TOPAZ1: variants seen among roughly 807,000 people sequenced by gnomAD.
The protein encoded by TOPAZ1 is protein TOPAZ1.
Under a neutral mutation model 172.2 loss-of-function variants are expected in TOPAZ1, and 66 were observed. The ratio of observed to expected loss-of-function variants is 0.38; its 90% CI spans 0.31 to 0.47. The LOEUF (loss-of-function observed/expected upper bound fraction) is 0.47. Ranked by LOEUF, TOPAZ1 falls within the 20% of genes least tolerant of loss-of-function variation. The probability of loss-of-function intolerance (pLI) is 0.99; values close to 1 mark genes in which losing one functional copy is unlikely to be tolerated. For synonymous variants in TOPAZ1, 681 were observed against 683.9 expected (o/e 1.00, Z 0.07); for missense variants, 1,822 against 1,972.4 (o/e 0.92, Z 1.44).
At chr3:44,257,078 C>G (rs1048241376) in intron 4 of TOPAZ1, among the ~76,000 whole-genome samples, 5 of 151,976 alleles carry the variant, frequency 3.3e-5, no homozygotes, top group African/African-American at 4.8e-5. Flanking sequence ...CCTGTTATCT[C>G]AGGACTTTGG....
chr3:44,257,412 T>G (rs1330216206), intron 4 of TOPAZ1, among the ~76,000 whole-genome samples: 2,605 of 121,930 alleles, frequency 0.021, 36 homozygotes, highest in African/African-American at 0.03. Context: ...TGTGTGTCTA[T>G]TTTATATATT....
In TOPAZ1 at chr3:44,244,664, A is replaced by G. The variant is rs1699538699; in HGVS notation, c.2158A>G (p.Asn720Asp). The G allele has an allele frequency of 6.4e-7, 1 of 1,551,346 alleles. No homozygotes were observed. Among genetic ancestry groups the G allele is most frequent in the African/African-American group, 1.4e-5 (1 of 73,144 alleles). The change falls in exon 2 of 20, where the codon AAT becomes GAT. Residue 720 changes from asparagine to aspartate, a missense_variant. Coordinates refer to ENST00000309765, the MANE Select transcript of TOPAZ1 (RefSeq NM_001145030.2). Reference sequence around the variant, plus strand: ...TTACAGTCCTCTAGAACTTCTGGACAATTTATCTGGAGCAGACGTAAGACA... The same window carrying G: ...TTACAGTCCTCTAGAACTTCTGGACGATTTATCTGGAGCAGACGTAAGACA... ...EAYSPLELLD[N>D]LSGADVRQNR...
chr3:44,298,909 A>ATATATATATTT (rs1287571186), intron 12 of TOPAZ1, among the ~76,000 whole-genome samples: 5 of 41,320 alleles, frequency 1.2e-4, no homozygotes, highest in East Asian at 4.5e-3. Context: ...ATATATATAT[A>ATATATATATTT]TTTTTTTTTT....
intron 4 of TOPAZ1, among the ~76,000 whole-genome samples, chr3:44,257,345 A>C (rs1350411741): frequency 3.3e-5 from 4 of 119,994 alleles, no homozygotes; most frequent in Non-Finnish European, 5.3e-5. Context: ...AAAAAAGAAA[A>C]CATAGGGGTG....
chr3:44,298,212 A>G (rs1048956670), intron 12 of TOPAZ1, among the ~76,000 whole-genome samples: 3 of 152,166 alleles, frequency 2.0e-5, no homozygotes, highest in Non-Finnish European at 4.4e-5. Flanking sequence ...ACCTGTAATC[A>G]CAATACTTTG....
rs1262996580 is a variant in TOPAZ1 at position 44,328,448 on chromosome 3, C to T, written c.4859+15C>T. 14 of 1,476,102 alleles carry T rather than the reference C, an allele frequency of 9.5e-6. No individual in the cohort carries two copies. The highest frequency in any genetic ancestry group is 1.3e-5 in the Non-Finnish European group (14 of 1,113,678). 91.4% of individuals were successfully genotyped at this position (1,476,102 alleles called of 1,614,324 possible). A position where few individuals can be genotyped will look rare whatever the true frequency, so the allele number is the denominator to read the frequency against. ...GTTTTGAAAAGGTTGGTTGACATAACTTTAACTGCATTCTGAATGTAGATC... is the reference window on the plus strand; with the variant it reads ...GTTTTGAAAAGGTTGGTTGACATAATTTTAACTGCATTCTGAATGTAGATC... On this transcript the variant is annotated intron_variant, in intron 19 of 19. Coordinates refer to ENST00000309765, the MANE Select transcript of TOPAZ1 (RefSeq NM_001145030.2).
Position 44,252,254 on chromosome 3 carries a change from G to A in TOPAZ1, c.2766-2714G>A, listed in dbSNP as rs1699642667. On this transcript the variant is annotated intron_variant, in intron 2 of 19. Transcript: ENST00000309765. ...GTTCTCTATTGAGTCACTTAGTTCT[G>A]TTCATGTTATTACCTCAATATCTCT... Among the ~76,000 whole-genome samples the A allele has an allele frequency of 3.3e-5, 5 of 152,142 alleles. No homozygotes were observed. In the South Asian group the frequency reaches 1.0e-3, roughly 31 times the overall value.
At chr3:44,264,042 A>T (rs933315213) in intron 5 of TOPAZ1, among the ~76,000 whole-genome samples, 1 of 152,216 alleles carries the variant, frequency 6.6e-6, no homozygotes, top group Admixed American at 6.5e-5. Context: ...TTTATAATTC[A>T]TTTAATTGCA....
At position 44,269,296 on chromosome 3, in the gene TOPAZ1, G is replaced by A. The variant is rs1699867166; in HGVS notation, c.3241G>A (p.Val1081Met). ...TGAAATATTCAAGAGGGAAAAAAAT[G>A]TGGGGGTAAGTCTACTTTAAAAAAT... ...TCEIFKREKNVGVFQKSLGLM... is the reference protein window; with the variant it reads ...TCEIFKREKNMGVFQKSLGLM... Residue 1081 changes from valine to methionine, a missense_variant, in exon 7 of 20, where the codon GTG becomes ATG. By Grantham distance (21) the Val-to-Met change is conservative. This residue lies in a region of TOPAZ1 where 1,489 missense variants were observed against 1,490.8 expected (regional missense o/e 1.00). Coordinates refer to ENST00000309765, the MANE Select transcript of TOPAZ1 (RefSeq NM_001145030.2). 2.0e-6 allele frequency: 3 copies of A among 1,530,576 alleles called. No individual in the cohort carries two copies. The East Asian group carries it at 7.4e-5, about 38-fold the overall frequency. 94.8% of individuals were successfully genotyped at this position (1,530,576 alleles called of 1,614,324 possible).
rs529191753 is a variant in TOPAZ1, at chr3:44,258,667, A to G, written c.2955+2389A>G. ...AGTTCATTCATTTTTACTGTTTGGTAATACTCCATGGTATAAGTGTACCAT... is the reference window on the plus strand; with the variant it reads ...AGTTCATTCATTTTTACTGTTTGGTGATACTCCATGGTATAAGTGTACCAT... On this transcript the variant is annotated intron_variant, in intron 4 of 19. Transcript: ENST00000309765. Among the ~76,000 whole-genome samples the G allele has an allele frequency of 6.6e-5, 10 of 152,244 alleles. No homozygotes were observed. In the East Asian group the frequency reaches 1.5e-3, roughly 23 times the overall value.
chr3:44,320,450 T>C (rs1334322416), intron 16 of TOPAZ1, among the ~76,000 whole-genome samples: 2 of 152,072 alleles, frequency 1.3e-5, no homozygotes, highest in Non-Finnish European at 2.9e-5. Flanking sequence ...ACAAAAAATT[T>C]AGCCAGGTGT....
chr3:44,316,932 C>G (rs1388891895), intron 16 of TOPAZ1, among the ~76,000 whole-genome samples: 1 of 151,916 alleles, frequency 6.6e-6, no homozygotes, highest in African/African-American at 2.4e-5. Flanking sequence ...TAGCACGATG[C>G]TCTTTTTATT....
At chr3:44,249,260 G>C (rs543027305) in intron 2 of TOPAZ1, among the ~76,000 whole-genome samples, 51 of 142,566 alleles carry the variant, frequency 3.6e-4, no homozygotes, top group South Asian at 3.0e-3. Flanking sequence ...AGGAGTGGGG[G>C]ACTAATGTGT....
intron 16 of TOPAZ1, among the ~76,000 whole-genome samples, chr3:44,313,485 C>T (rs555542797): frequency 7.2e-5 from 11 of 151,726 alleles, no homozygotes; most frequent in African/African-American, 2.2e-4. Context: ...GGCATGGTGG[C>T]GGACACCTGT....
At chr3:44,295,842 A>G (rs1330696346) in intron 12 of TOPAZ1, among the ~76,000 whole-genome samples, 2 of 152,204 alleles carry the variant, frequency 1.3e-5, no homozygotes, top group Non-Finnish European at 2.9e-5. Flanking sequence ...CAGCAAAGAT[A>G]TAGAACTAAA....
intron 12 of TOPAZ1, among the ~76,000 whole-genome samples, chr3:44,291,878 C>T (rs1236159598): frequency 6.6e-6 from 1 of 152,172 alleles, no homozygotes; most frequent in African/African-American, 2.4e-5. Context: ...TCTCATTTCT[C>T]ATTATCTTCT....
chr3:44,275,000 T>C (rs925760740), intron 8 of TOPAZ1, among the ~76,000 whole-genome samples: 3 of 151,896 alleles, frequency 2.0e-5, no homozygotes, highest in African/African-American at 7.3e-5. Flanking sequence ...ATTTTGTACA[T>C]CTATGCATGT....
rs1699882362 is a variant in TOPAZ1, at chr3:44,270,351, G to C, written c.3247-334G>C. 2.0e-5 allele frequency among the ~76,000 whole-genome samples: 3 copies of C among 152,114 alleles called. 1 individual carries two copies. The South Asian group carries it at 6.2e-4, about 32-fold the overall frequency. ...AGTATGTGGGGGCAGGGAGTCCATG[G>C]GATATTTCTGTTCCTTAGTTTTTCT... On this transcript the variant is annotated intron_variant, in intron 7 of 19. Transcript: ENST00000309765.
chr3:44,252,520 G>C (rs569026623), intron 2 of TOPAZ1, among the ~76,000 whole-genome samples: 7 of 152,186 alleles, frequency 4.6e-5, no homozygotes, highest in Non-Finnish European at 1.0e-4. Context: ...TCCATTTCCT[G>C]TTTGGCAACT....
Sources: gnomAD v4.1 joint callset for allele counts (sites outside exome capture counted in the v4.1 genomes callset) on GRCh38, gnomAD v4.1.1 for gene constraint, gnomAD v4.1.1 regional missense constraint, MANE v1.5 for transcripts, NCBI Gene and HGNC (gene_info 2026-07-23, HGNC 2026-07-21) for gene names.